MAMSTR: variants seen among roughly 807,000 people sequenced by gnomAD.
MAMSTR encodes MEF2 activating motif and SAP domain containing transcriptional regulator.
In MAMSTR, 41 loss-of-function variants were observed where a neutral mutation model predicts 42.7. The ratio of observed to expected loss-of-function variants is 0.96; its 90% CI spans 0.75 to 1.25. MAMSTR has a LOEUF of 1.25. MAMSTR is among the 50% of genes most tolerant of loss of function. The pLI, the probability that MAMSTR is intolerant of heterozygous loss-of-function variation, is 0.00. For missense variants in MAMSTR, 567 were observed against 557.6 expected, an observed-to-expected ratio of 1.02 and a Z score of -0.17; for synonymous variants, 265 against 244.1, an observed-to-expected ratio of 1.09 and a Z score of -0.80.
At chr19:48,714,665 T>G (rs1601249951) in intron 6 of MAMSTR, 105 bp from the exon 7 acceptor site, 17 of 1,243,720 alleles carry the variant, frequency 1.4e-5, no homozygotes, top group East Asian at 1.3e-4. Context: ...GCACTGGGGG[T>G]CCGGACTCCT....
downstream of MAMSTR, among the ~76,000 whole-genome samples, chr19:48,709,992 C>T (rs946558578): frequency 6.6e-6 from 1 of 151,978 alleles, no homozygotes; most frequent in African/African-American, 2.4e-5. Flanking sequence ...GCCTCAGCCT[C>T]CCCAGTAGCT....
chr19:48,716,858 C>A (rs1044333517), intron 2 of MAMSTR, 115 bp from the exon 3 acceptor site: 65 of 1,241,358 alleles, frequency 5.2e-5, no homozygotes, highest in South Asian at 3.8e-5. Context: ...GCCCAGCCCC[C>A]TTACACAGCC....
At chr19:48,707,788 GAAAC>G (rs1317413060), downstream of MAMSTR, among the ~76,000 whole-genome samples, 133 of 114,704 alleles carry the variant, frequency 1.2e-3, 1 homozygote, top group African/African-American at 4.2e-3. Context: ...AGAAAAGAAA[GAAAC>G]AAAGAAGGAA....
At chr19:48,708,490 C>T (rs897055196), downstream of MAMSTR, among the ~76,000 whole-genome samples, 9 of 152,114 alleles carry the variant, frequency 5.9e-5, no homozygotes, top group Non-Finnish European at 1.3e-4. Context: ...ATCTGATCCC[C>T]CTTGGTCCAG....
downstream of MAMSTR, among the ~76,000 whole-genome samples, chr19:48,711,768 C>T (rs1329451151): frequency 1.3e-3 from 112 of 87,924 alleles, no homozygotes; most frequent in Admixed American, 3.1e-3. Flanking sequence ...TTTTTTGAGA[C>T]GGAGTCTCGC....
At chr19:48,711,353 T>G (rs2032721822), downstream of MAMSTR, among the ~76,000 whole-genome samples, 2 of 152,122 alleles carry the variant, frequency 1.3e-5, no homozygotes, top group South Asian at 4.1e-4. Context: ...CCAGCCTTCA[T>G]GCTATCCCCA....
intron 3 of MAMSTR, chr19:48,716,038 G>C: frequency 9.6e-7 from 1 of 1,036,408 alleles, no homozygotes; most frequent in Non-Finnish European, 1.3e-6. Flanking sequence ...CTAGGACAGG[G>C]GTGGGGCCTG....
At position 48,714,542 on chromosome 19, in the gene MAMSTR, G is replaced by A. The variant is rs1394783824; in HGVS notation, c.547C>T (p.Gln183Ter). The change falls in exon 7 of 10, where the codon CAG (glutamine) becomes TAG (stop). Residue 183 changes from glutamine to a stop codon, truncating the protein, a stop_gained. Transcript: ENST00000318083. LOFTEE classifies it high-confidence loss of function. ...ACTGGGAGGCCCCGCAGGCGCAGCT[G>A]CTGCCGGAGCTCTGAGACCTGGGGA... ...EELTVSELRQQLRLRGLPVSG... is the reference protein window; with the variant it reads ...EELTVSELRQ 2.1e-6 allele frequency: 3 copies of A among 1,458,738 alleles called. No homozygotes were observed. Among genetic ancestry groups the A allele is most frequent in the Non-Finnish European group, 2.7e-6 (3 of 1,118,244 alleles). The allele number at this position is 1,458,738 out of a possible 1,614,324, so 90.4% of individuals were successfully genotyped here.
chr19:48,713,424 G>A lies in MAMSTR; in HGVS notation c.1091C>T (p.Pro364Leu), dbSNP rs772317540. The A allele has an allele frequency of 9.9e-6, 16 of 1,613,246 alleles. No individual in the cohort carries two copies. The highest frequency in any genetic ancestry group is 1.3e-5 in the Non-Finnish European group (15 of 1,179,770). Residue 364 changes from proline (P) to leucine (L), a missense_variant, in exon 10 of 10, where the codon CCT (proline) becomes CTT (leucine). Coordinates refer to ENST00000318083, the MANE Select transcript of MAMSTR (RefSeq NM_001130915.2). ...SLPSPTNSSS[P>L]SPRDPTDSLD... ...GGAGTCCGTGGGGTCCCTGGGAGAA[G>A]GGGAGGAGGAGTTCGTGGGAGACGG...
At chr19:48,715,495 C>T (rs2032973946) in intron 4 of MAMSTR, 49 bp from the exon 5 acceptor site, 7 of 1,465,194 alleles carry the variant, frequency 4.8e-6, no homozygotes, top group Non-Finnish European at 6.3e-6. Context: ...CTCCCACCTT[C>T]CGGCCCCAGG....
chr19:48,714,426 C>T lies in MAMSTR; in HGVS notation c.663G>A (p.Ala221=). The change falls in exon 7 of 10, where the codon GCG becomes GCA. Residue 221 remains alanine (A), a synonymous_variant. Coordinates refer to ENST00000318083, the MANE Select transcript of MAMSTR (RefSeq NM_001130915.2). ...GCTTGAGGCGCGGCCAGGGAGCACC[C>T]GCGGGACTGTCCTCGCGCCGCGGCT... ...RPKPRREDSP[A]GAPWPRLKPK... is the part of the protein sequence containing the mutation. The T allele has an allele frequency of 7.2e-7, 1 of 1,388,940 alleles. No individual in the cohort carries two copies. The highest frequency in any genetic ancestry group is 2.1e-4 in the Middle Eastern group (1 of 4,850). 86.0% of individuals were successfully genotyped at this position (1,388,940 alleles called of 1,614,324 possible).
At chr19:48,706,531 G>A in the MAMSTR span, among the ~76,000 whole-genome samples, 1 of 151,962 alleles carries the variant, frequency 6.6e-6, no homozygotes, top group African/African-American at 2.4e-5. Context: ...CAGCTGCTAG[G>A]GAGGCTGAGA....
intron 4 of MAMSTR, 36 bp from the exon 5 acceptor site, chr19:48,715,482 C>T (rs1309129074): frequency 1.4e-6 from 2 of 1,467,572 alleles, no homozygotes; most frequent in Non-Finnish European, 9.0e-7. Context: ...GGCTTCAGCG[C>T]GGCTCCCACC....
At chr19:48,709,168 TA>T (rs1454597550), downstream of MAMSTR, among the ~76,000 whole-genome samples, 5 of 152,134 alleles carry the variant, frequency 3.3e-5, no homozygotes, top group Non-Finnish European at 4.4e-5. Flanking sequence ...TGCACACCTG[TA>T]ATCCCAGTAC....
the MAMSTR span, among the ~76,000 whole-genome samples, chr19:48,707,269 T>C: frequency 2.6e-5 from 4 of 151,008 alleles, no homozygotes; most frequent in African/African-American, 9.8e-5. Flanking sequence ...ATACAAAAAT[T>C]AGCTGCTGTG....
downstream of MAMSTR, among the ~76,000 whole-genome samples, chr19:48,710,307 GT>G (rs1169967498): frequency 6.7e-6 from 1 of 148,628 alleles, no homozygotes; most frequent in Non-Finnish European, 1.5e-5. Context: ...TAGATATGGG[GT>G]TTTAGCACAT....
chr19:48,714,402 C>T lies in MAMSTR; in HGVS notation c.687G>A (p.Lys229=). The T allele has an allele frequency of 7.2e-7, 1 of 1,390,866 alleles. No homozygotes were observed. The highest frequency in any genetic ancestry group is 9.2e-7 in the Non-Finnish European group (1 of 1,082,162). The allele number at this position is 1,390,866 out of a possible 1,614,324, so 86.2% of individuals were successfully genotyped here. ...GCCGGGCGGCTGCCAGGGCCTTGGG[C>T]TTGAGGCGCGGCCAGGGAGCACCCG... is the stretch of plus-strand genomic sequence containing the variant. ...SPAGAPWPRL[K]PKALAAARRQ... is the part of the protein sequence containing the mutation. Residue 229 remains lysine (K), a synonymous_variant, in exon 7 of 10, where the codon AAG becomes AAA. Transcript: ENST00000318083.
At chr19:48,711,352 A>T (rs1326081486), downstream of MAMSTR, among the ~76,000 whole-genome samples, 1 of 152,100 alleles carries the variant, frequency 6.6e-6, no homozygotes, top group African/African-American at 2.4e-5. Context: ...CCCAGCCTTC[A>T]TGCTATCCCC....
rs891234780 is a variant in MAMSTR, at chr19:48,719,176, C to A, written c.-21-124G>T. 2 of 670,538 alleles carry A rather than the reference C, an allele frequency of 3.0e-6. No homozygotes were observed. The highest frequency in any genetic ancestry group is 5.2e-6 in the Non-Finnish European group (2 of 382,132). The allele number at this position is 670,538 out of a possible 1,614,324, so 41.5% of individuals were successfully genotyped here. On this transcript the variant is annotated intron_variant, in intron 1 of 9. Coordinates refer to ENST00000318083, the MANE Select transcript of MAMSTR (RefSeq NM_001130915.2). The surrounding 1 kb of genome is among the most constrained non-coding windows in gnomAD (Gnocchi z 4.4). ...CCGAAGGAGGTGGGAATAGGAGCAGCCTTGGGCCATAACTTCCGGATCCCA... is the reference window on the plus strand; with the variant it reads ...CCGAAGGAGGTGGGAATAGGAGCAGACTTGGGCCATAACTTCCGGATCCCA...
Sources: gnomAD v4.1 joint callset for allele counts (sites outside exome capture counted in the v4.1 genomes callset) on GRCh38, gnomAD v4.1.1 for gene constraint, Gnocchi (gnomAD v3.1) non-coding constraint, MANE v1.5 for transcripts, NCBI Gene and HGNC (gene_info 2026-07-23, HGNC 2026-07-21) for gene names.